MACROD2: variants seen among roughly 807,000 people sequenced by gnomAD.
MACROD2 encodes ADP-ribose glycohydrolase MACROD2.
MACROD2 carries 36 observed loss-of-function variants against 70.4 expected under a neutral mutation model. That is an observed-to-expected ratio of 0.51 (90% confidence interval 0.39 to 0.68). The LOEUF is 0.68. MACROD2 is among the 30% of genes least tolerant of loss of function. The probability of loss-of-function intolerance (pLI) is 0.00; values close to 1 mark genes in which losing one functional copy is unlikely to be tolerated. For missense variants in MACROD2, 496 were observed against 538.4 expected, an observed-to-expected ratio of 0.92 and a Z score of 0.78; for synonymous variants, 172 against 178.8, an observed-to-expected ratio of 0.96 and a Z score of 0.30.
At chr20:14,400,935 G>A (rs570226331) in intron 3 of MACROD2, among the ~76,000 whole-genome samples, 3 of 152,148 alleles carry the variant, frequency 2.0e-5, no homozygotes, top group African/African-American at 4.8e-5. Flanking sequence ...AATGTTCTTT[G>A]GTGTGGTAAT....
chr20:15,137,108 G>A (rs2076154477), intron 5 of MACROD2, among the ~76,000 whole-genome samples: 1 of 146,778 alleles, frequency 6.8e-6, no homozygotes, highest in African/African-American at 2.5e-5. Flanking sequence ...TACACTGTTG[G>A]TGGGACTGTA....
intron 6 of MACROD2, among the ~76,000 whole-genome samples, chr20:15,297,138 A>G (rs1351533459): frequency 6.6e-6 from 1 of 152,176 alleles, no homozygotes; most frequent in Non-Finnish European, 1.5e-5. Flanking sequence ...GGGCCCCTGC[A>G]TCACTTAAAA....
chr20:14,955,309 T>G (rs1422537094), intron 5 of MACROD2, among the ~76,000 whole-genome samples: 1 of 143,026 alleles, frequency 7.0e-6, no homozygotes, highest in Non-Finnish European at 1.5e-5. Flanking sequence ...ATAATTTTTA[T>G]TATATATAAT....
chr20:15,683,998 A>G (rs1209925985), intron 8 of MACROD2, among the ~76,000 whole-genome samples: 1 of 152,212 alleles, frequency 6.6e-6, no homozygotes, highest in Non-Finnish European at 1.5e-5. Flanking sequence ...CACCCAAATG[A>G]CAGATGATTT....
At chr20:16,040,823 TTTC>T (rs1322157328) in intron 15 of MACROD2, among the ~76,000 whole-genome samples, 1 of 152,020 alleles carries the variant, frequency 6.6e-6, no homozygotes, top group African/African-American at 2.4e-5. Context: ...ATTTTCTCTT[TTTC>T]TTCTTCTAAG....
rs2147635639 is a variant in MACROD2, at chr20:16,051,662, A to C, written c.*1786A>C. On this transcript the variant is annotated 3_prime_UTR_variant, in exon 18 of 18. Transcript: ENST00000684519. ...GTAACGAAAAGGCTCATTTTAAAGA[A>C]TCCAAGAAACGATGTCATCCAAATA... 1 of 152,342 alleles carries C rather than the reference A, an allele frequency of 6.6e-6. No individual in the cohort carries two copies. The highest frequency in any genetic ancestry group is 1.9e-4 in the East Asian group (1 of 5,180). The allele number at this position is 152,342 out of a possible 1,614,324, so 9.4% of individuals were successfully genotyped here. A position where few individuals can be genotyped will look rare whatever the true frequency, so the allele number is the denominator to read the frequency against.
intron 7 of MACROD2, among the ~76,000 whole-genome samples, chr20:15,455,817 G>T (rs901092433): frequency 2.6e-5 from 4 of 152,062 alleles, no homozygotes; most frequent in African/African-American, 9.7e-5. Context: ...CCTTCTAGAT[G>T]CTGACTGACC....
intron 12 of MACROD2, among the ~76,000 whole-genome samples, chr20:15,939,537 A>G (rs138335206): frequency 4.6e-5 from 7 of 152,088 alleles, no homozygotes; most frequent in African/African-American, 1.7e-4. Flanking sequence ...GATTCAAAAT[A>G]TTACTGCATA....
intron 8 of MACROD2, among the ~76,000 whole-genome samples, chr20:15,668,715 T>C (rs12329490): frequency 3.3e-5 from 5 of 152,232 alleles, no homozygotes; most frequent in Admixed American, 2.0e-4. Flanking sequence ...ATACATTTTC[T>C]CCCTCGTTTT....
At chr20:14,240,726 A>G (rs1195822608) in intron 3 of MACROD2, among the ~76,000 whole-genome samples, 2 of 152,198 alleles carry the variant, frequency 1.3e-5, no homozygotes, top group Non-Finnish European at 2.9e-5. Context: ...ATCAAAAGCT[A>G]CTTAAGAGGT....
chr20:14,002,256 T>C, intron 1 of MACROD2, 32 bp from the exon 2 acceptor site: 1 of 1,388,112 alleles, frequency 7.2e-7, no homozygotes, highest in South Asian at 1.3e-5. Flanking sequence ...AAACGTTAAA[T>C]ACAAATGGAG....
chr20:14,771,546 T>C (rs2072165558), intron 5 of MACROD2, among the ~76,000 whole-genome samples: 1 of 151,872 alleles, frequency 6.6e-6, no homozygotes, highest in African/African-American at 2.4e-5. Flanking sequence ...TGTGACACAT[T>C]TTGTATGAAT....
intron 5 of MACROD2, among the ~76,000 whole-genome samples, chr20:14,854,274 C>T (rs187109951): frequency 2.3e-4 from 35 of 152,170 alleles, no homozygotes; most frequent in African/African-American, 8.2e-4. Context: ...TTAGAAACTG[C>T]GGTGAGAAGT....
intron 4 of MACROD2, among the ~76,000 whole-genome samples, chr20:14,650,529 T>A (rs1985624613): frequency 6.6e-6 from 1 of 152,240 alleles, no homozygotes; most frequent in Non-Finnish European, 1.5e-5. Context: ...AGTTCCACTG[T>A]CAAAAATTAG....
chr20:15,361,732 T>C (rs1281310773), intron 6 of MACROD2, among the ~76,000 whole-genome samples: 3 of 152,182 alleles, frequency 2.0e-5, no homozygotes, highest in African/African-American at 2.4e-5. Flanking sequence ...TGATTTTTTT[T>C]CATTGGTGTT....
chr20:14,349,191 CTTTT>C (rs5840611), intron 3 of MACROD2, among the ~76,000 whole-genome samples: 3 of 136,780 alleles, frequency 2.2e-5, no homozygotes, highest in Non-Finnish European at 3.2e-5. Flanking sequence ...TATATACAAA[CTTTT>C]TTTTTTTTTT....
chr20:14,740,174 T>C (rs1319554743), intron 5 of MACROD2, among the ~76,000 whole-genome samples: 2 of 152,108 alleles, frequency 1.3e-5, no homozygotes. Context: ...AATGGGCTAT[T>C]TATTATATTA....
chr20:14,627,360 G>A (rs965337534), intron 4 of MACROD2, among the ~76,000 whole-genome samples: 2 of 152,150 alleles, frequency 1.3e-5, no homozygotes, highest in African/African-American at 4.8e-5. Context: ...ATGACTGGGC[G>A]ATGTAGGAGC....
intron 6 of MACROD2, among the ~76,000 whole-genome samples, chr20:15,276,414 A>G (rs754347220): frequency 1.5e-5 from 1 of 68,516 alleles, no homozygotes; most frequent in East Asian, 2.5e-4. Context: ...AAATAAAAAA[A>G]TAAAAAAATC....
Sources: allele counts gnomAD v4.1 joint callset (sites outside exome capture counted in the v4.1 genomes callset), GRCh38; gene constraint gnomAD v4.1.1; transcripts MANE v1.5; gene names NCBI Gene and HGNC (gene_info 2026-07-23, HGNC 2026-07-21).